DNAH17: variants seen among roughly 807,000 people sequenced by gnomAD.
DNAH17 encodes axonemal beta dynein heavy chain 17.
In DNAH17, 376 loss-of-function variants were observed where a neutral mutation model predicts 485.6. The ratio of observed to expected loss-of-function variants is 0.77; its 90% CI spans 0.71 to 0.84. The LOEUF (loss-of-function observed/expected upper bound fraction) is 0.84, where lower values mean the gene tolerates loss of function less well. Among genes scored for constraint, DNAH17 ranks in the 40% least tolerant of loss-of-function variants. The probability of loss-of-function intolerance (pLI) is 0.00; values close to 1 mark genes in which losing one functional copy is unlikely to be tolerated. For missense variants in DNAH17, 6,370 were observed against 5,839.3 expected (o/e 1.09, Z -2.96); for synonymous variants, 3,031 against 2,405.9 (o/e 1.26, Z -7.60).
intron 78 of DNAH17, 154 bp from the exon 79 acceptor site, chr17:78,426,754 G>C: frequency 7.6e-7 from 1 of 1,308,106 alleles, no homozygotes; most frequent in Non-Finnish European, 1.1e-6. Flanking sequence ...TTCCTGCTAA[G>C]GAACGGTCTA....
rs747921690 is a variant in DNAH17, at chr17:78,494,626, G to A, written c.6237C>T (p.Asp2079=). 40 of 1,613,764 alleles carry A rather than the reference G, an allele frequency of 2.5e-5. No individual in the cohort carries two copies. The highest frequency in any genetic ancestry group is 3.1e-5 in the Non-Finnish European group (37 of 1,179,898). Residue 2079 remains aspartate (D), a synonymous_variant, in exon 40 of 81, where the codon GAC becomes GAT. Transcript: ENST00000389840. ...GLIGDLFPAL[D]VPRKRDLNFE... ...AATTCAGGTCCCGTTTCCGAGGCAC[G>A]TCCAGAGCCGGGAAGAGGTCCCCGA...
chr17:78,482,136 G>T (rs1042115005), intron 48 of DNAH17, among the ~76,000 whole-genome samples: 26 of 136,714 alleles, frequency 1.9e-4, no homozygotes, highest in African/African-American at 7.2e-4. Flanking sequence ...GGAGTGCAGT[G>T]GTGAACACAG....
Position 78,453,329 on chromosome 17 carries a change from C to T in DNAH17, c.10529+14G>A, listed in dbSNP as rs777856092. The T allele has an allele frequency of 5.3e-5, 86 of 1,611,734 alleles. No homozygotes were observed. The highest frequency in any genetic ancestry group is 1.1e-4 in the South Asian group (10 of 90,718). On this transcript the variant is annotated intron_variant, in intron 65 of 80. Coordinates refer to ENST00000389840, the MANE Select transcript of DNAH17 (RefSeq NM_173628.4). Reference sequence around the variant, plus strand: ...GTTTACCTGGCTCAAGCCACGGAGGCGGAAACAACTCACTTTCCCTTTTTA... The same window carrying T: ...GTTTACCTGGCTCAAGCCACGGAGGTGGAAACAACTCACTTTCCCTTTTTA...
intron 15 of DNAH17, 23 bp from the exon 16 acceptor site, chr17:78,551,661 T>C (rs1314913222): frequency 6.2e-7 from 1 of 1,611,372 alleles, no homozygotes; most frequent in Non-Finnish European, 8.5e-7. Flanking sequence ...TGTAGAGGAA[T>C]CTTACAAAAT....
At chr17:78,561,407 C>T (rs1389509905) in intron 12 of DNAH17, among the ~76,000 whole-genome samples, 1 of 152,070 alleles carries the variant, frequency 6.6e-6, no homozygotes, top group African/African-American at 2.4e-5. Context: ...GAGACTTGGC[C>T]AAGTGCACGC....
chr17:78,485,226 A>C (rs959939612), intron 47 of DNAH17, 193 bp from the exon 48 acceptor site: 1 of 717,570 alleles, frequency 1.4e-6, no homozygotes, highest in Admixed American at 3.0e-5. Flanking sequence ...AAACAGAGCG[A>C]TCAGAGGCGA....
At chr17:78,576,842 T>G (rs1268493091) in intron 1 of DNAH17, among the ~76,000 whole-genome samples, 2 of 152,234 alleles carry the variant, frequency 1.3e-5, no homozygotes, top group Admixed American at 6.5e-5. Context: ...GCAAGTTTCT[T>G]GCACGATCGG....
At chr17:78,518,661 C>T (rs149436980) in intron 25 of DNAH17, among the ~76,000 whole-genome samples, 153 of 152,284 alleles carry the variant, frequency 1.0e-3, no homozygotes, top group Non-Finnish European at 1.9e-3. Context: ...CTAATTGACA[C>T]GTATAAAACA....
chr17:78,514,300 T>C (rs1418124127), intron 26 of DNAH17, among the ~76,000 whole-genome samples: 1 of 150,940 alleles, frequency 6.6e-6, no homozygotes, highest in African/African-American at 2.4e-5. Flanking sequence ...AGGTCAGGAG[T>C]TCGAGACCAG....
Position 78,459,207 on chromosome 17 carries a change from G to T in DNAH17, c.9655C>A (p.Pro3219Thr). 1.2e-6 allele frequency: 2 copies of T among 1,613,644 alleles called. No individual in the cohort carries two copies. The highest frequency in any genetic ancestry group is 1.7e-6 in the Non-Finnish European group (2 of 1,179,812). ...TCGAACGTCGGGTTGCCTTGGTAGGGCCTAGCGAGGGAACCAGAGGGCCGG... is the reference window on the plus strand; with the variant it reads ...TCGAACGTCGGGTTGCCTTGGTAGGTCCTAGCGAGGGAACCAGAGGGCCGG... ...IPEACLKAFK[P>T]YQGNPTFDPE... Residue 3219 changes from proline to threonine, a missense_variant and splice_region_variant, in exon 61 of 81, where the codon CCC becomes ACC. By Grantham distance (38) the Pro-to-Thr change is conservative. Coordinates refer to ENST00000389840, the MANE Select transcript of DNAH17 (RefSeq NM_173628.4).
rs749212094 is a variant in DNAH17 at position 78,530,342 on chromosome 17, C to T, written c.3284+1G>A. On this transcript the variant is annotated splice_donor_variant, in intron 21 of 80. Transcript: ENST00000389840. LOFTEE classifies it high-confidence loss of function. ...CCCCGAGTACATGGCTGGGGACCCA[C>T]CTGTTGGTGACGTGGTTGCTCAGGT... 3 of 1,605,448 alleles carry T rather than the reference C, an allele frequency of 1.9e-6. No individual in the cohort carries two copies. The highest frequency in any genetic ancestry group is 1.7e-5 in the Admixed American group (1 of 59,678).
Position 78,569,453 on chromosome 17 carries a change from G to A in DNAH17, c.1119C>T (p.Ile373=), listed in dbSNP as rs774590292. ...QGEIEEVLSG[I]SLAVNVLKEL... is the part of the protein sequence containing the mutation. ...CCTTCAGCACATTTACAGCCAGGGAGATGCCACTCAGGACTTCCTCGATTT... is the reference window on the plus strand; with the variant it reads ...CCTTCAGCACATTTACAGCCAGGGAAATGCCACTCAGGACTTCCTCGATTT... The change falls in exon 8 of 81, where the codon ATC becomes ATT. Residue 373 remains isoleucine, a synonymous_variant. Transcript: ENST00000389840. 30 of 1,612,088 alleles carry A rather than the reference G, an allele frequency of 1.9e-5. No individual in the cohort carries two copies. Among genetic ancestry groups the A allele is most frequent in the Non-Finnish European group, 2.5e-5 (29 of 1,179,082 alleles).
intron 67 of DNAH17, 90 bp downstream of exon 67, chr17:78,450,592 C>G: frequency 1.3e-6 from 2 of 1,503,032 alleles, no homozygotes; most frequent in South Asian, 2.5e-5. Context: ...AGCTGCTTTT[C>G]TCCTTTCTCA....
intron 71 of DNAH17, among the ~76,000 whole-genome samples, chr17:78,442,484 T>G (rs1425435827): frequency 6.6e-6 from 1 of 152,238 alleles, no homozygotes; most frequent in East Asian, 1.9e-4. Flanking sequence ...AGACCCTAGA[T>G]GCTGTGATCC....
At chr17:78,505,170 A>G in intron 31 of DNAH17, 123 bp downstream of exon 31, 2 of 1,278,076 alleles carry the variant, frequency 1.6e-6, no homozygotes, top group Non-Finnish European at 2.2e-6. Context: ...GGAGAGGAGC[A>G]GGGGCGGGCT....
chr17:78,534,330 G>A (rs914128054), intron 19 of DNAH17, among the ~76,000 whole-genome samples: 52 of 152,238 alleles, frequency 3.4e-4, no homozygotes, highest in African/African-American at 1.0e-3. Flanking sequence ...AGGAAACGGT[G>A]TAATTGAGGA....
At chr17:78,429,908 T>C (rs72907440) in intron 75 of DNAH17, among the ~76,000 whole-genome samples, 10 of 152,118 alleles carry the variant, frequency 6.6e-5, no homozygotes, top group African/African-American at 2.2e-4. Flanking sequence ...CCAGGGTCTT[T>C]GCAGTCACAT....
chr17:78,442,036 T>C (rs537205702), intron 71 of DNAH17, among the ~76,000 whole-genome samples: 25 of 151,390 alleles, frequency 1.7e-4, no homozygotes, highest in Non-Finnish European at 2.9e-4. Flanking sequence ...TGAGGTGAGA[T>C]GGCGCCATTG....
chr17:78,437,611 G>C (rs1416063571), intron 74 of DNAH17, 30 bp downstream of exon 74: 2 of 1,558,436 alleles, frequency 1.3e-6, no homozygotes, highest in Non-Finnish European at 1.7e-6. Flanking sequence ...GCATGGGATG[G>C]GGAGGCAGCC....
Sources: allele counts gnomAD v4.1 joint callset (sites outside exome capture counted in the v4.1 genomes callset), GRCh38; gene constraint gnomAD v4.1.1; transcripts MANE v1.5; gene names NCBI Gene and HGNC (gene_info 2026-07-23, HGNC 2026-07-21).